The following PRKACB variants were observed in gnomAD, a reference collection of about 807,000 sequenced individuals.
The protein encoded by PRKACB is protein kinase cAMP-activated catalytic subunit beta, also known as cAMP-dependent protein kinase catalytic subunit beta.
PRKACB carries 16 observed loss-of-function variants against 51.4 expected under a neutral mutation model. The observed-to-expected ratio is 0.31, with a 90% CI of 0.21 to 0.47. The LOEUF is 0.47. Among genes scored for constraint, PRKACB ranks in the 20% least tolerant of loss-of-function variants. The pLI is 1.00. For missense variants in PRKACB, 309 were observed against 464.5 expected (o/e 0.67, Z 3.08); for synonymous variants, 147 against 154.4 (o/e 0.95, Z 0.35).
chr1:84,175,136 TAA>T, intron 1 of PRKACB: 1 of 1,236,644 alleles, frequency 8.1e-7, no homozygotes, highest in East Asian at 3.1e-5. Flanking sequence ...ATTTTCCTTA[TAA>T]AGTTATATAT....
At chr1:84,165,787 A>G (rs548434075) in intron 1 of PRKACB, among the ~76,000 whole-genome samples, 1 of 151,962 alleles carries the variant, frequency 6.6e-6, no homozygotes, top group African/African-American at 2.4e-5. Context: ...TGTTAGAGTG[A>G]AAAACATTTG....
intron 1 of PRKACB, among the ~76,000 whole-genome samples, chr1:84,079,462 G>A (rs916397938): frequency 6.6e-6 from 1 of 152,114 alleles, no homozygotes; most frequent in Non-Finnish European, 1.5e-5. Context: ...TATTAATAAA[G>A]TAGAATTCAT....
intron 1 of PRKACB, among the ~76,000 whole-genome samples, chr1:84,111,080 CA>C (rs1203059312): frequency 6.6e-6 from 1 of 151,974 alleles, no homozygotes; most frequent in African/African-American, 2.4e-5. Flanking sequence ...GTCGATCTTC[CA>C]AATCTAATCT....
chr1:84,217,307 G>A (rs1673016468), intron 9 of PRKACB, among the ~76,000 whole-genome samples: 1 of 152,002 alleles, frequency 6.6e-6, no homozygotes. Flanking sequence ...ATAGAACCTA[G>A]TATTTGATAT....
At chr1:84,189,056 T>TA (rs1666003698) in intron 5 of PRKACB, among the ~76,000 whole-genome samples, 2 of 151,944 alleles carry the variant, frequency 1.3e-5, no homozygotes, top group African/African-American at 4.8e-5. Context: ...TGATAAAATA[T>TA]AAAATCTAGT....
intron 1 of PRKACB, among the ~76,000 whole-genome samples, chr1:84,079,297 A>G (rs1285692868): frequency 6.6e-6 from 1 of 152,194 alleles, no homozygotes; most frequent in Non-Finnish European, 1.5e-5. Context: ...AACAGATGGT[A>G]TTTGTTATAT....
chr1:84,155,896 C>T (rs1044116946), intron 1 of PRKACB, among the ~76,000 whole-genome samples: 4 of 152,130 alleles, frequency 2.6e-5, no homozygotes, highest in South Asian at 4.1e-4. Flanking sequence ...TTAGAGTCTT[C>T]GTTCAGCTGC....
At chr1:84,226,668 T>C (rs1352950907) in intron 9 of PRKACB, among the ~76,000 whole-genome samples, 1 of 152,220 alleles carries the variant, frequency 6.6e-6, no homozygotes, top group Admixed American at 6.5e-5. Flanking sequence ...CATATCATTT[T>C]GTCTGTTCCT....
chr1:84,164,401 GC>G, intron 1 of PRKACB: 1 of 1,574,702 alleles, frequency 6.4e-7, no homozygotes, highest in Non-Finnish European at 8.6e-7. Flanking sequence ...TTTGCTCCTT[GC>G]CAGGTTCAAC....
rs41300510 is a variant in PRKACB at position 84,164,824 on chromosome 1, T to C, written c.188-14353T>C. ...AGTGATATCTCATGCTAGGCAGTTA[T>C]GCTTTGCTTCTAGGGGCTTCTCTTT... On this transcript the variant is annotated intron_variant, in intron 1 of 9. Coordinates refer to ENST00000370685, the MANE Select transcript of PRKACB (RefSeq NM_182948.4). 2.2e-3 allele frequency: 2,974 copies of C among 1,383,084 alleles called. 69 individuals are homozygous for C. The African/African-American group carries it at 0.04, about 19-fold the overall frequency. 85.7% of individuals were successfully genotyped at this position (1,383,084 alleles called of 1,614,324 possible).
chr1:84,196,497 A>T (rs888445728), intron 5 of PRKACB, 119 bp from the exon 6 acceptor site: 12 of 1,006,874 alleles, frequency 1.2e-5, no homozygotes, highest in East Asian at 2.8e-5. Flanking sequence ...CATACTTTTT[A>T]AAAAAATACT....
chr1:84,219,757 T>C (rs376435869), intron 9 of PRKACB, among the ~76,000 whole-genome samples: 46 of 151,780 alleles, frequency 3.0e-4, no homozygotes, highest in African/African-American at 1.0e-3. Context: ...ATCACTTAGG[T>C]GTAATATGTG....
intron 1 of PRKACB, among the ~76,000 whole-genome samples, chr1:84,105,389 G>A (rs1649656436): frequency 6.6e-6 from 1 of 151,818 alleles, no homozygotes; most frequent in Non-Finnish European, 1.5e-5. Context: ...TTGACCTAGA[G>A]TAAGCATATC....
chr1:84,185,571 A>T (rs1172814230), intron 5 of PRKACB, among the ~76,000 whole-genome samples: 1 of 151,776 alleles, frequency 6.6e-6, no homozygotes, highest in Admixed American at 6.6e-5. Context: ...ATAGAGAAAT[A>T]ATAATAATAG....
At chr1:84,134,283 A>G (rs1652566211) in intron 1 of PRKACB, among the ~76,000 whole-genome samples, 2 of 152,148 alleles carry the variant, frequency 1.3e-5, no homozygotes, top group Non-Finnish European at 2.9e-5. Context: ...CATTCAAGTG[A>G]GAAAACAGGA....
At chr1:84,122,729 A>G (rs964927809) in intron 1 of PRKACB, among the ~76,000 whole-genome samples, 1 of 152,134 alleles carries the variant, frequency 6.6e-6, no homozygotes, top group African/African-American at 2.4e-5. Context: ...TCTTTGGAAG[A>G]CTTAATTTTT....
intron 2 of PRKACB, among the ~76,000 whole-genome samples, chr1:84,180,066 G>T (rs1662746112): frequency 6.8e-6 from 1 of 146,128 alleles, no homozygotes; most frequent in African/African-American, 2.5e-5. Context: ...AAAAAAAAGA[G>T]GTCGTTATTT....
At chr1:84,231,194 T>G (rs1675589615) in intron 9 of PRKACB, among the ~76,000 whole-genome samples, 1 of 152,212 alleles carries the variant, frequency 6.6e-6, no homozygotes, top group African/African-American at 2.4e-5. Context: ...TGGTTTTTTC[T>G]TTGGTTCTGT....
intron 1 of PRKACB, among the ~76,000 whole-genome samples, chr1:84,125,246 T>A (rs1025441132): frequency 1.3e-5 from 2 of 152,162 alleles, no homozygotes; most frequent in Non-Finnish European, 2.9e-5. Context: ...CTCCCTTAGC[T>A]CTTAGAGCCC....
Sources: allele counts gnomAD v4.1 joint callset (sites outside exome capture counted in the v4.1 genomes callset), GRCh38; gene constraint gnomAD v4.1.1; transcripts MANE v1.5; gene names NCBI Gene and HGNC (gene_info 2026-07-23, HGNC 2026-07-21).